Variants in TET2 observed in about 807,000 individuals in gnomAD.
TET2 encodes methylcytosine dioxygenase TET2.
TET2 carries 299 observed loss-of-function variants against 142.9 expected under a neutral mutation model. The observed-to-expected ratio is 2.09, with a 90% confidence interval of 1.90 to 2.30. The LOEUF is 2.30. TET2 is among the 30% of genes most tolerant of loss of function. TET2 has a pLI of 0.00. For missense variants in TET2, 2,418 were observed against 2,378.0 expected (o/e 1.02, Z -0.35); for synonymous variants, 819 against 849.0 (o/e 0.96, Z 0.61).
chr4:105,156,885 G>A (rs1437880624), intron 1 of TET2, among the ~76,000 whole-genome samples: 2 of 151,792 alleles, frequency 1.3e-5, no homozygotes, highest in African/African-American at 4.8e-5. Context: ...TTTTTAACCT[G>A]TTTGTTCTTT....
intron 1 of TET2, among the ~76,000 whole-genome samples, chr4:105,167,403 CAT>C (rs925925046): frequency 1.3e-5 from 2 of 151,772 alleles, no homozygotes; most frequent in Non-Finnish European, 2.9e-5. Flanking sequence ...TATGTGTACA[CAT>C]ATGCTACATA....
chr4:105,237,658 G>T, intron 3 of TET2: 22 of 1,331,692 alleles, frequency 1.7e-5, no homozygotes, highest in South Asian at 1.6e-5. Flanking sequence ...TTAGCTCTTT[G>T]TATATTATCT....
intron 10 of TET2, among the ~76,000 whole-genome samples, 195 bp from the exon 11 acceptor site, chr4:105,274,853 T>TATTTC: frequency 6.6e-6 from 1 of 152,284 alleles, no homozygotes; most frequent in Non-Finnish European, 1.5e-5. Flanking sequence ...CTAAGTTTTG[T>TATTTC]ATTTCTAATG....
chr4:105,275,672 T>A lies in TET2; in HGVS notation c.5162T>A (p.Leu1721Ter), dbSNP rs34402524. 1 of 1,551,746 alleles carries A rather than the reference T, an allele frequency of 6.4e-7. No individual in the cohort carries two copies. The highest frequency in any genetic ancestry group is 8.7e-7 in the Non-Finnish European group (1 of 1,146,992). The change falls in exon 11 of 11, where the codon TTG (leucine) becomes TAG (stop). Residue 1721 changes from leucine (L) to a stop codon, truncating the protein, a stop_gained. Transcript: ENST00000380013. LOFTEE classifies it low-confidence loss of function (END_TRUNC). ...IRPNVHHVGK[L>*]PPYPTHEMDG... Reference sequence around the variant, plus strand: ...CCAAATGTACATCATGTAGGGAAATTGCCTCCTTATCCCACTCATGAGATG... The same window carrying A: ...CCAAATGTACATCATGTAGGGAAATAGCCTCCTTATCCCACTCATGAGATG...
chr4:105,173,293 G>A (rs1379284671), intron 1 of TET2, among the ~76,000 whole-genome samples: 3 of 150,714 alleles, frequency 2.0e-5, no homozygotes, highest in Admixed American at 6.6e-5. Flanking sequence ...GCCGAGGTGG[G>A]CAGATCACGA....
chr4:105,199,038 T>A (rs1017850253), intron 2 of TET2, among the ~76,000 whole-genome samples: 3 of 152,236 alleles, frequency 2.0e-5, no homozygotes, highest in Non-Finnish European at 2.9e-5. Flanking sequence ...ATATGTTTAG[T>A]GTTCTAATTC....
At chr4:105,263,884 A>G (rs1302907262) in intron 8 of TET2, among the ~76,000 whole-genome samples, 1 of 152,072 alleles carries the variant, frequency 6.6e-6, no homozygotes, top group Non-Finnish European at 1.5e-5. Context: ...AGGGAGATGG[A>G]TGGATGGAGG....
intron 1 of TET2, among the ~76,000 whole-genome samples, chr4:105,155,246 A>G (rs1214256753): frequency 6.6e-6 from 1 of 152,236 alleles, no homozygotes; most frequent in African/African-American, 2.4e-5. Flanking sequence ...TTAAAATGAC[A>G]AAGTATCTCA....
intron 2 of TET2, among the ~76,000 whole-genome samples, chr4:105,195,486 A>T (rs1345634699): frequency 6.6e-6 from 1 of 152,150 alleles, no homozygotes; most frequent in Non-Finnish European, 1.5e-5. Flanking sequence ...GATTGGTTCC[A>T]GGACCCCCCA....
At chr4:105,164,092 AG>A (rs1209578254) in intron 1 of TET2, among the ~76,000 whole-genome samples, 1 of 152,220 alleles carries the variant, frequency 6.6e-6, no homozygotes, top group Non-Finnish European at 1.5e-5. Context: ...GATACCATAC[AG>A]TACTAACTGT....
intron 4 of TET2, chr4:105,241,806 T>G (rs1729318342): frequency 1.6e-6 from 2 of 1,249,306 alleles, no homozygotes; most frequent in African/African-American, 1.6e-5. Context: ...AAGTGTGGTA[T>G]AAGAAAAGAA....
At chr4:105,224,795 G>T (rs1394552423) in intron 2 of TET2, among the ~76,000 whole-genome samples, 1 of 146,558 alleles carries the variant, frequency 6.8e-6, no homozygotes, top group East Asian at 2.0e-4. Flanking sequence ...TATAATTGTT[G>T]CATGTTTCTA....
rs1344161294 is a variant in TET2 at position 105,278,416 on chromosome 4, G to T, written c.*1897G>T. ...CTTTTTTTTATTGTTAAAAAAAAAA[G>T]CATACCTTTTTTCAATACTTGATTT... On this transcript the variant is annotated 3_prime_UTR_variant, in exon 11 of 11. Transcript: ENST00000380013. The T allele has an allele frequency of 1.9e-5, 4 of 212,126 alleles. No individual in the cohort carries two copies. The highest frequency in any genetic ancestry group is 3.8e-5 in the Non-Finnish European group (4 of 106,328). The allele number at this position is 212,126 out of a possible 1,614,324, so 13.1% of individuals were successfully genotyped here.
At chr4:105,243,829 C>T (rs2110256444) in intron 6 of TET2, 51 bp downstream of exon 6, 1 of 1,489,704 alleles carries the variant, frequency 6.7e-7, no homozygotes, top group Admixed American at 2.0e-5. Context: ...GATAGGAAAG[C>T]CCAATCTTTG....
chr4:105,177,350 G>C (rs1414114826), intron 1 of TET2, among the ~76,000 whole-genome samples: 2 of 152,164 alleles, frequency 1.3e-5, no homozygotes, highest in African/African-American at 4.8e-5. Context: ...ACAAGCCACA[G>C]ATGGAAAAAT....
intron 1 of TET2, among the ~76,000 whole-genome samples, chr4:105,170,847 T>C (rs1724424968): frequency 6.6e-6 from 1 of 152,204 alleles, no homozygotes; most frequent in South Asian, 2.1e-4. Flanking sequence ...TTTGAACAAC[T>C]GATTTATAAA....
At chr4:105,232,461 G>A (rs1237419415) in intron 2 of TET2, among the ~76,000 whole-genome samples, 1 of 152,134 alleles carries the variant, frequency 6.6e-6, no homozygotes, top group African/African-American at 2.4e-5. Context: ...AGCTGAACTA[G>A]TTTACATTCC....
intron 2 of TET2, among the ~76,000 whole-genome samples, chr4:105,218,563 C>T (rs1335401917): frequency 6.6e-6 from 1 of 152,044 alleles, no homozygotes; most frequent in East Asian, 1.9e-4. Flanking sequence ...TTTAGAGAAT[C>T]ATAGCATTTT....
chr4:105,196,515 A>G (rs1726104971), intron 2 of TET2, among the ~76,000 whole-genome samples: 1 of 152,174 alleles, frequency 6.6e-6, no homozygotes, highest in South Asian at 2.1e-4. Context: ...TATGCTTGAT[A>G]TTCCTGATCT....
Sources: gnomAD v4.1 joint callset for allele counts (sites outside exome capture counted in the v4.1 genomes callset) on GRCh38, gnomAD v4.1.1 for gene constraint, MANE v1.5 for transcripts, NCBI Gene and HGNC (gene_info 2026-07-23, HGNC 2026-07-21) for gene names.